ZNF385D: variants seen among roughly 807,000 people sequenced by gnomAD.
ZNF385D encodes the protein zinc finger protein 385D.
Under a neutral mutation model 35.8 loss-of-function variants are expected in ZNF385D, and 15 were observed. The ratio of observed to expected loss-of-function variants is 0.42; its 90% confidence interval spans 0.28 to 0.64. The LOEUF is 0.64. ZNF385D is among the 30% of genes least tolerant of loss of function. ZNF385D has a pLI of 0.23. For missense variants in ZNF385D, 474 were observed against 494.6 expected, an observed-to-expected ratio of 0.96 and a Z score of 0.39; for synonymous variants, 212 against 186.8, an observed-to-expected ratio of 1.13 and a Z score of -1.10.
intron 2 of ZNF385D, among the ~76,000 whole-genome samples, chr3:22,280,004 G>C (rs1438976576): frequency 6.6e-6 from 1 of 151,990 alleles, no homozygotes; most frequent in East Asian, 1.9e-4. Flanking sequence ...GTATTGCCTT[G>C]TGGTTTTGAT....
intron 2 of ZNF385D, among the ~76,000 whole-genome samples, chr3:22,355,073 C>G (rs1056799012): frequency 6.6e-6 from 1 of 151,976 alleles, no homozygotes; most frequent in African/African-American, 2.4e-5. Context: ...TCTATATTTA[C>G]TTATGATATA....
intron 2 of ZNF385D, among the ~76,000 whole-genome samples, chr3:22,251,801 C>G (rs1165855965): frequency 2.0e-5 from 3 of 151,974 alleles, no homozygotes; most frequent in Non-Finnish European, 4.4e-5. Flanking sequence ...AGCTTGGGAT[C>G]TTAGAGACAC....
intron 4 of ZNF385D, among the ~76,000 whole-genome samples, chr3:21,463,365 T>G (rs944935255): frequency 6.6e-6 from 1 of 152,204 alleles, no homozygotes; most frequent in African/African-American, 2.4e-5. Context: ...TAAAATACTT[T>G]TACAATATAT....
In ZNF385D at chr3:22,281,887, G is replaced by T. The variant is rs993877981; in HGVS notation, c.106+90563C>A. The stretch of plus-strand genomic sequence containing the variant: ...TGGTACTGAACATTTTTTGTTGGTG[G>T]TGGTGGTAACTTTTTAATTACCATT... On this transcript the variant is annotated intron_variant, in intron 2 of 5. Coordinates refer to the ZNF385D transcript ENST00000494108. Among the ~76,000 whole-genome samples the T allele has an allele frequency of 1.3e-4, 19 of 151,656 alleles. No homozygotes were observed. The East Asian group carries it at 3.5e-3, about 28-fold the overall frequency.
At chr3:21,982,503 T>C (rs187093234) in intron 3 of ZNF385D, among the ~76,000 whole-genome samples, 2 of 152,306 alleles carry the variant, frequency 1.3e-5, no homozygotes, top group African/African-American at 2.4e-5. Flanking sequence ...TGAGGTTTTC[T>C]AGATATATAA....
intron 2 of ZNF385D, among the ~76,000 whole-genome samples, chr3:21,591,016 A>G (rs1054613899): frequency 6.6e-6 from 1 of 151,874 alleles, no homozygotes. Flanking sequence ...GTAAAATAGC[A>G]AGACCTTGTC....
chr3:21,656,176 TG>T (rs1336825033), intron 2 of ZNF385D, among the ~76,000 whole-genome samples: 1 of 151,976 alleles, frequency 6.6e-6, no homozygotes, highest in Non-Finnish European at 1.5e-5. Flanking sequence ...GGTAGGAAGC[TG>T]GATTACCAGT....
chr3:22,046,518 T>G (rs1215291492), intron 3 of ZNF385D, among the ~76,000 whole-genome samples: 1 of 152,200 alleles, frequency 6.6e-6, no homozygotes, highest in Non-Finnish European at 1.5e-5. Context: ...CTAAGTGGAA[T>G]GTTTTAAGAG....
chr3:21,702,819 A>T (rs2067740954), intron 1 of ZNF385D, among the ~76,000 whole-genome samples: 1 of 152,172 alleles, frequency 6.6e-6, no homozygotes, highest in Admixed American at 6.5e-5. Flanking sequence ...ACATAACGAG[A>T]GTCACCTTTG....
intron 3 of ZNF385D, among the ~76,000 whole-genome samples, chr3:22,089,132 C>T (rs980669547): frequency 6.6e-6 from 1 of 152,028 alleles, no homozygotes; most frequent in South Asian, 2.1e-4. Flanking sequence ...TGGCTAGATC[C>T]CTATATTTAC....
intron 3 of ZNF385D, among the ~76,000 whole-genome samples, chr3:21,829,859 T>A (rs900545743): frequency 3.9e-5 from 6 of 152,054 alleles, no homozygotes; most frequent in Admixed American, 3.3e-4. Context: ...ACATGGGGCT[T>A]ACGCCTGTCA....
chr3:22,077,477 A>G (rs1700521061), intron 3 of ZNF385D, among the ~76,000 whole-genome samples: 2 of 152,026 alleles, frequency 1.3e-5, no homozygotes, highest in African/African-American at 4.8e-5. Flanking sequence ...AGGCACAACT[A>G]AAATAGGCAA....
At chr3:22,176,915 T>C (rs1240424024) in intron 2 of ZNF385D, among the ~76,000 whole-genome samples, 1 of 152,230 alleles carries the variant, frequency 6.6e-6, no homozygotes, top group Non-Finnish European at 1.5e-5. Flanking sequence ...AGATCAGATA[T>C]GTCTTAAATT....
intron 4 of ZNF385D, among the ~76,000 whole-genome samples, chr3:21,487,270 C>G (rs1705103324): frequency 6.7e-6 from 1 of 149,550 alleles, no homozygotes; most frequent in South Asian, 2.2e-4. Flanking sequence ...CTTTCATTTG[C>G]TACTCTGATC....
At chr3:21,787,518 G>A (rs946198082) in intron 3 of ZNF385D, among the ~76,000 whole-genome samples, 6 of 152,050 alleles carry the variant, frequency 3.9e-5, no homozygotes, top group Admixed American at 3.9e-4. Flanking sequence ...CTGTCCTATG[G>A]AAGAGTAGAA....
chr3:22,007,547 A>G (rs922463271), intron 3 of ZNF385D, among the ~76,000 whole-genome samples: 2 of 152,314 alleles, frequency 1.3e-5, no homozygotes, highest in South Asian at 2.1e-4. Flanking sequence ...ATGGTTATGT[A>G]ATTTTGAAAA....
At chr3:21,679,798 T>C (rs1251984839) in intron 1 of ZNF385D, among the ~76,000 whole-genome samples, 1 of 152,100 alleles carries the variant, frequency 6.6e-6, no homozygotes, top group Non-Finnish European at 1.5e-5. Flanking sequence ...TTGACCTCGA[T>C]AGAACTGTTA....
intron 3 of ZNF385D, among the ~76,000 whole-genome samples, chr3:21,816,544 A>G (rs1262456582): frequency 6.6e-6 from 1 of 152,184 alleles, no homozygotes; most frequent in Non-Finnish European, 1.5e-5. Flanking sequence ...TAACAGACAG[A>G]GAGCCAAATC....
chr3:22,247,860 C>G (rs1699869357), intron 2 of ZNF385D, among the ~76,000 whole-genome samples: 1 of 152,050 alleles, frequency 6.6e-6, no homozygotes, highest in Non-Finnish European at 1.5e-5. Context: ...GCCTCGGCCT[C>G]CCAAAGTCCT....
Sources: allele counts gnomAD v4.1 joint callset (sites outside exome capture counted in the v4.1 genomes callset), GRCh38; gene constraint gnomAD v4.1.1; transcripts MANE v1.5; gene names NCBI Gene and HGNC (gene_info 2026-07-23, HGNC 2026-07-21).